C1orf198: variants seen among roughly 807,000 people sequenced by gnomAD.
The protein encoded by C1orf198 is uncharacterized protein C1orf198.
C1orf198 carries 17 observed loss-of-function variants against 31.4 expected under a neutral mutation model. That is an observed-to-expected ratio of 0.54 (90% CI 0.37 to 0.81). C1orf198 has a LOEUF of 0.81. Ranked by LOEUF, C1orf198 falls within the 40% of genes least tolerant of loss-of-function variation. C1orf198 has a pLI of 0.00. For missense variants in C1orf198, 401 were observed against 450.3 expected (o/e 0.89, Z 0.99); for synonymous variants, 175 against 193.8 (o/e 0.90, Z 0.81).
chr1:230,842,897 G>A (rs796614864), intron 3 of C1orf198, among the ~76,000 whole-genome samples: 2 of 152,236 alleles, frequency 1.3e-5, no homozygotes, highest in African/African-American at 4.8e-5. Flanking sequence ...AGAGGGGCAA[G>A]ACCCAGTGAG....
rs1326519091 is a variant in C1orf198, at chr1:230,843,069, G to T, written c.927+285C>A. 6.6e-6 allele frequency among the ~76,000 whole-genome samples: 1 copy of T among 152,262 alleles called. No individual in the cohort carries two copies. The highest frequency in any genetic ancestry group is 3.2e-3 in the Middle Eastern group (1 of 316). ...GCCCTGGGCGCAGCGCCTTCCAGGG[G>T]CCTCTTCTGATAGCAGCCCGCGCAC... On this transcript the variant is annotated intron_variant, in intron 3 of 3. Transcript: ENST00000366663. The surrounding 1 kb of genome is among the most constrained non-coding windows in gnomAD (Gnocchi z 4.9).
In C1orf198 at chr1:230,859,293, C is replaced by T. The variant is rs553581372; in HGVS notation, c.334-3575G>A. On this transcript the variant is annotated intron_variant, in intron 1 of 3. Transcript: ENST00000366663. ...TGACCAGCCTGCAACCAAAATGAGG[C>T]CAGGCACATGCTTTTGGACCAATCA... Among the ~76,000 whole-genome samples the T allele has an allele frequency of 3.9e-5, 6 of 152,244 alleles. No individual in the cohort carries two copies. In the South Asian group the frequency reaches 1.0e-3, roughly 26 times the overall value.
chr1:230,846,889 G>A (rs1280382620), intron 2 of C1orf198, among the ~76,000 whole-genome samples: 2 of 151,808 alleles, frequency 1.3e-5, no homozygotes, highest in Non-Finnish European at 2.9e-5. Flanking sequence ...GGATCACGAG[G>A]TCAGGAGATC....
intron 1 of C1orf198, among the ~76,000 whole-genome samples, chr1:230,867,012 A>G (rs1670136468): frequency 6.6e-6 from 1 of 152,194 alleles, no homozygotes; most frequent in Non-Finnish European, 1.5e-5. Flanking sequence ...AACACTTCGT[A>G]TTAATAAATG....
intron 1 of C1orf198, 199 bp from the exon 2 acceptor site, chr1:230,855,917 C>A (rs1485144589): frequency 3.0e-6 from 4 of 1,344,926 alleles, no homozygotes; most frequent in Non-Finnish European, 2.9e-6. Context: ...CCCGCTGAGG[C>A]TGCCAGACAC....
At chr1:230,844,931 C>A (rs1284599600) in intron 2 of C1orf198, among the ~76,000 whole-genome samples, 1 of 152,214 alleles carries the variant, frequency 6.6e-6, no homozygotes, top group African/African-American at 2.4e-5. Context: ...GCAACCTAAA[C>A]CTCCTCTTTG....
At chr1:230,866,436 G>A (rs540166221) in intron 1 of C1orf198, among the ~76,000 whole-genome samples, 5 of 152,266 alleles carry the variant, frequency 3.3e-5, no homozygotes, top group South Asian at 2.1e-4. Context: ...ACCACAGCAC[G>A]GCACAGTTCC....
intron 2 of C1orf198, among the ~76,000 whole-genome samples, chr1:230,854,475 T>C (rs1468123057): frequency 6.6e-6 from 1 of 152,186 alleles, no homozygotes; most frequent in Non-Finnish European, 1.5e-5. Flanking sequence ...CTTAACATCT[T>C]GTGCTCTCTC....
intron 2 of C1orf198, among the ~76,000 whole-genome samples, chr1:230,844,209 T>A (rs938491166): frequency 2.6e-5 from 4 of 152,076 alleles, no homozygotes; most frequent in Non-Finnish European, 5.9e-5. Flanking sequence ...GGTGTCTGGA[T>A]CACAGGGGCG....
chr1:230,867,121 T>C (rs1023057068), intron 1 of C1orf198, among the ~76,000 whole-genome samples: 1 of 152,196 alleles, frequency 6.6e-6, no homozygotes, highest in Non-Finnish European at 1.5e-5. Context: ...TCCCAGCTTC[T>C]CCTTCCTCTA....
rs1373603795 is a variant in C1orf198, at chr1:230,868,468, G to A, written c.45C>T (p.Val15=). 9 of 1,528,002 alleles carry A rather than the reference G, an allele frequency of 5.9e-6. No homozygotes were observed. Among genetic ancestry groups the A allele is most frequent in the African/African-American group, 1.4e-5 (1 of 70,152 alleles). 94.7% of individuals were successfully genotyped at this position (1,528,002 alleles called of 1,614,324 possible). Residue 15 remains valine (V), a synonymous_variant, in exon 1 of 4, where the codon GTC becomes GTT. Coordinates refer to ENST00000366663, the MANE Select transcript of C1orf198 (RefSeq NM_032800.3). ...AAAIAASRSA[V]MSGNRPLDDR... is the part of the protein sequence containing the mutation. Reference sequence around the variant, plus strand: ...CGTCCAGAGGCCGGTTCCCGCTCATGACCGCCGAGCGCGAAGCCGCGATCG... The same window carrying A: ...CGTCCAGAGGCCGGTTCCCGCTCATAACCGCCGAGCGCGAAGCCGCGATCG...
Position 230,868,348 on chromosome 1 carries a change from C to A in C1orf198, c.165G>T (p.Gly55=), listed in dbSNP as rs772179170. The A allele has an allele frequency of 1.3e-6, 2 of 1,597,228 alleles. No homozygotes were observed. The highest frequency in any genetic ancestry group is 1.7e-6 in the Non-Finnish European group (2 of 1,172,814). ...QDKEKIREKY[G]PEWARLPPAQ... ...CGGGCGGCAGCCGCGCCCACTCGGG[C>A]CCGTACTTCTCGCGGATCTTCTCCT... The change falls in exon 1 of 4, where the codon GGG becomes GGT. Residue 55 remains glycine (G), a synonymous_variant. Transcript: ENST00000366663.
intron 1 of C1orf198, 67 bp from the exon 2 acceptor site, chr1:230,855,785 C>A (rs538985129): frequency 6.3e-7 from 1 of 1,580,612 alleles, no homozygotes; most frequent in Non-Finnish European, 8.6e-7. Context: ...AATATCCACC[C>A]AGGACCGTGG....
chr1:230,843,410 C>A lies in C1orf198; in HGVS notation c.871G>T (p.Asp291Tyr). Residue 291 changes from aspartate (D) to tyrosine (Y), a missense_variant, in exon 3 of 4, where the codon GAT (aspartate) becomes TAT (tyrosine). Transcript: ENST00000366663. The surrounding 1 kb of genome is among the most constrained non-coding windows in gnomAD (Gnocchi z 4.9). ...TCTTCCCCATCGTCCTGCCTGACAT[C>A]AGGAGATGGCAGCTTCCCCTCGAGC... is the stretch of plus-strand genomic sequence containing the variant. Reference protein sequence around the residue: ...SQLEGKLPSPDVRQDDGEDTL... With the variant: ...SQLEGKLPSPYVRQDDGEDTL... 1 of 1,573,586 alleles carries A rather than the reference C, an allele frequency of 6.4e-7. No homozygotes were observed. The highest frequency in any genetic ancestry group is 8.6e-7 in the Non-Finnish European group (1 of 1,159,018).
intron 1 of C1orf198, among the ~76,000 whole-genome samples, chr1:230,863,631 G>A (rs1670047389): frequency 6.6e-6 from 1 of 152,238 alleles, no homozygotes; most frequent in Non-Finnish European, 1.5e-5. Flanking sequence ...AGGTGCCTGG[G>A]GAGGAGAGGC....
At position 230,868,325 on chromosome 1, in the gene C1orf198, G is replaced by A. The variant is rs1353836452; in HGVS notation, c.188C>T (p.Pro63Leu). 3.1e-6 allele frequency: 5 copies of A among 1,595,736 alleles called. No individual in the cohort carries two copies. In the African/African-American group the frequency reaches 5.5e-5, roughly 18 times the overall value. Residue 63 changes from proline to leucine, a missense_variant, in exon 1 of 4, where the codon CCC (proline) becomes CTC (leucine). By Grantham distance (98) the Pro-to-Leu change is moderately conservative. Transcript: ENST00000366663. Reference protein sequence around the residue: ...KYGPEWARLPPAQQDEIIDRC... With the variant: ...KYGPEWARLPLAQQDEIIDRC... ...GTCGATGATCTCGTCCTGCTGCGCGGGCGGCAGCCGCGCCCACTCGGGCCC... is the reference window on the plus strand; with the variant it reads ...GTCGATGATCTCGTCCTGCTGCGCGAGCGGCAGCCGCGCCCACTCGGGCCC...
At chr1:230,847,881 A>T (rs1160755925) in intron 2 of C1orf198, among the ~76,000 whole-genome samples, 1 of 152,216 alleles carries the variant, frequency 6.6e-6, no homozygotes, top group Non-Finnish European at 1.5e-5. Flanking sequence ...AGGCTTTTTT[A>T]GGATCAGCAA....
chr1:230,843,748 G>T lies in C1orf198; in HGVS notation c.533C>A (p.Ala178Asp). 2.5e-6 allele frequency: 4 copies of T among 1,614,030 alleles called. No individual in the cohort carries two copies. The highest frequency in any genetic ancestry group is 3.4e-6 in the Non-Finnish European group (4 of 1,179,916). The change falls in exon 3 of 4, where the codon GCC becomes GAC. Residue 178 changes from alanine to aspartate, a missense_variant. Coordinates refer to ENST00000366663, the MANE Select transcript of C1orf198 (RefSeq NM_032800.3). This position sits in a 1 kb window ranked among gnomAD's most constrained non-coding sequence, Gnocchi z 4.9. Reference sequence around the variant, plus strand: ...CTCCTCCTTCCTGGTGGGGCCCAGGGCGTCCAGGCTGGAGGACCTGCTGCC... The same window carrying T: ...CTCCTCCTTCCTGGTGGGGCCCAGGTCGTCCAGGCTGGAGGACCTGCTGCC... Reference protein sequence around the residue: ...SQGSRSSSLDALGPTRKEEEA... With the variant: ...SQGSRSSSLDDLGPTRKEEEA...
Position 230,868,367 on chromosome 1 carries a change from T to C in C1orf198, c.146A>G (p.Lys49Arg). The C allele has an allele frequency of 1.9e-6, 3 of 1,599,460 alleles. No homozygotes were observed. Among genetic ancestry groups the C allele is most frequent in the Non-Finnish European group, 2.6e-6 (3 of 1,173,736 alleles). ...CTCGGGCCCGTACTTCTCGCGGATC[T>C]TCTCCTTGTCCTGCATGATCTTCCT... is the stretch of plus-strand genomic sequence containing the variant. ...MARKIMQDKE[K>R]IREKYGPEWA... The change falls in exon 1 of 4, where the codon AAG (lysine) becomes AGG (arginine). Residue 49 changes from lysine (K) to arginine (R), a missense_variant. Coordinates refer to ENST00000366663, the MANE Select transcript of C1orf198 (RefSeq NM_032800.3).
Sources: allele counts gnomAD v4.1 joint callset (sites outside exome capture counted in the v4.1 genomes callset), GRCh38; gene constraint gnomAD v4.1.1; non-coding constraint Gnocchi (gnomAD v3.1); transcripts MANE v1.5; gene names NCBI Gene and HGNC (gene_info 2026-07-23, HGNC 2026-07-21).